Variants in VAV3 observed in about 807,000 individuals in gnomAD.
VAV3 encodes the protein guanine nucleotide exchange factor VAV3.
VAV3 carries 94 observed loss-of-function variants against 131.2 expected under a neutral mutation model. The ratio of observed to expected loss-of-function variants is 0.72; its 90% CI spans 0.61 to 0.85. The LOEUF (loss-of-function observed/expected upper bound fraction) is 0.85, where lower values mean the gene tolerates loss of function less well. VAV3 is among the 40% of genes least tolerant of loss of function. The pLI, the probability that VAV3 is intolerant of heterozygous loss-of-function variation, is 0.00. For missense variants in VAV3, 939 were observed against 1,002.7 expected, an observed-to-expected ratio of 0.94 and a Z score of 0.86; for synonymous variants, 349 against 342.0, an observed-to-expected ratio of 1.02 and a Z score of -0.22.
At chr1:107,651,845 C>T (rs759511902) in intron 19 of VAV3, among the ~76,000 whole-genome samples, 27 of 152,082 alleles carry the variant, frequency 1.8e-4, no homozygotes, top group Non-Finnish European at 3.5e-4. Context: ...TAAATTTGAA[C>T]TCCTGGTCAC....
chr1:107,934,443 T>C (rs1181724256), intron 1 of VAV3, among the ~76,000 whole-genome samples: 4 of 152,224 alleles, frequency 2.6e-5, no homozygotes, highest in African/African-American at 7.2e-5. Context: ...ACAGGCTATG[T>C]GTATGTGTGT....
chr1:107,832,572 CA>C (rs1272590374), intron 2 of VAV3, among the ~76,000 whole-genome samples: 1 of 152,170 alleles, frequency 6.6e-6, no homozygotes, highest in Non-Finnish European at 1.5e-5. Flanking sequence ...ATTTAAAACA[CA>C]AACTCCAAAT....
At chr1:107,602,942 T>C in intron 23 of VAV3, 105 bp downstream of exon 23, 1 of 798,956 alleles carries the variant, frequency 1.3e-6, no homozygotes, top group Non-Finnish European at 2.0e-6. Flanking sequence ...TATTTCTCCT[T>C]CAATTAGAAC....
chr1:107,796,122 C>G (rs1666525411), intron 2 of VAV3, among the ~76,000 whole-genome samples: 1 of 151,976 alleles, frequency 6.6e-6, no homozygotes, highest in South Asian at 2.1e-4. Flanking sequence ...AAAGTGACTC[C>G]TTGGACAGCT....
chr1:107,615,331 T>C (rs1375205276), intron 21 of VAV3, among the ~76,000 whole-genome samples: 1 of 152,098 alleles, frequency 6.6e-6, no homozygotes, highest in East Asian at 1.9e-4. Context: ...GAAAAGCAAA[T>C]AACACGTTCT....
chr1:107,689,059 A>C (rs1243571666), intron 17 of VAV3, among the ~76,000 whole-genome samples: 1 of 152,190 alleles, frequency 6.6e-6, no homozygotes, highest in African/African-American at 2.4e-5. Flanking sequence ...CCTAATGGTT[A>C]TAAGGGCCCT....
At chr1:107,625,073 C>T (rs1220205610) in intron 20 of VAV3, among the ~76,000 whole-genome samples, 3 of 152,060 alleles carry the variant, frequency 2.0e-5, no homozygotes, top group Non-Finnish European at 4.4e-5. Context: ...ATTATCCTCA[C>T]CTGTGAAACA....
intron 15 of VAV3, among the ~76,000 whole-genome samples, chr1:107,719,342 A>G (rs530235974): frequency 2.0e-5 from 3 of 152,356 alleles, no homozygotes; most frequent in African/African-American, 7.2e-5. Flanking sequence ...ATCTACAAAG[A>G]ACTTAAACAA....
chr1:107,885,078 C>A (rs973272223), intron 1 of VAV3, among the ~76,000 whole-genome samples: 2 of 152,064 alleles, frequency 1.3e-5, no homozygotes, highest in African/African-American at 4.8e-5. Context: ...ACTGCCTGCC[C>A]TTCCAAGGCA....
chr1:107,737,206 A>C (rs532396813), intron 15 of VAV3, among the ~76,000 whole-genome samples: 1 of 152,368 alleles, frequency 6.6e-6, no homozygotes, highest in South Asian at 2.1e-4. Context: ...AAATCAATTT[A>C]AGATGGATTA....
At chr1:107,775,194 T>C (rs1449509598) in intron 4 of VAV3, among the ~76,000 whole-genome samples, 1 of 140,196 alleles carries the variant, frequency 7.1e-6, no homozygotes, top group Non-Finnish European at 1.6e-5. Context: ...ACTGGATTTA[T>C]CCTGACATCA....
chr1:107,855,657 T>C (rs889055685), intron 2 of VAV3, among the ~76,000 whole-genome samples: 3 of 152,206 alleles, frequency 2.0e-5, no homozygotes, highest in East Asian at 1.9e-4. Flanking sequence ...CCCAAATCTA[T>C]GAGTTTCAAA....
At chr1:107,617,999 C>T (rs1465688946) in intron 20 of VAV3, among the ~76,000 whole-genome samples, 1 of 151,982 alleles carries the variant, frequency 6.6e-6, no homozygotes, top group African/African-American at 2.4e-5. Context: ...CAGGTGGTTT[C>T]GGGAGGAAAC....
intron 2 of VAV3, among the ~76,000 whole-genome samples, chr1:107,827,165 C>A (rs533907174): frequency 6.6e-6 from 1 of 152,184 alleles, no homozygotes; most frequent in South Asian, 2.1e-4. Flanking sequence ...AGTCAAGGGT[C>A]CTCTGAGCTA....
intron 11 of VAV3, among the ~76,000 whole-genome samples, chr1:107,756,293 T>G (rs1018546617): frequency 6.6e-6 from 1 of 152,190 alleles, no homozygotes; most frequent in Non-Finnish European, 1.5e-5. Flanking sequence ...CTTTTTTCTC[T>G]ACCCTCTTAA....
chr1:107,594,480 C>T (rs1651214218), intron 25 of VAV3, among the ~76,000 whole-genome samples: 1 of 152,020 alleles, frequency 6.6e-6, no homozygotes, highest in Non-Finnish European at 1.5e-5. Flanking sequence ...TTCAAGTTGT[C>T]AGAATCTCTT....
chr1:107,651,409 C>CT (rs989941279), intron 19 of VAV3, among the ~76,000 whole-genome samples: 11 of 151,800 alleles, frequency 7.2e-5, no homozygotes, highest in South Asian at 2.1e-4. Flanking sequence ...ACTATAGCAC[C>CT]TTTTTTTTGT....
At chr1:107,767,747 C>T (rs770500936) in intron 7 of VAV3, among the ~76,000 whole-genome samples, 5 of 152,150 alleles carry the variant, frequency 3.3e-5, no homozygotes, top group South Asian at 4.1e-4. Context: ...CAAAGCAAGT[C>T]CTAGAGGTCT....
chr1:107,927,624 A>C (rs1032918311), intron 1 of VAV3, among the ~76,000 whole-genome samples: 7 of 152,044 alleles, frequency 4.6e-5, no homozygotes, highest in Non-Finnish European at 1.0e-4. Flanking sequence ...CCCTTAAGAA[A>C]ACATTGGTGG....
Sources: allele counts gnomAD v4.1 joint callset (sites outside exome capture counted in the v4.1 genomes callset), GRCh38; gene constraint gnomAD v4.1.1; transcripts MANE v1.5; gene names NCBI Gene and HGNC (gene_info 2026-07-23, HGNC 2026-07-21).